The following TBC1D32 variants were observed in gnomAD, a reference collection of about 807,000 sequenced individuals.
The protein encoded by TBC1D32 is protein broad-minded.
TBC1D32 carries 151 observed loss-of-function variants against 170.3 expected under a neutral mutation model. That is an observed-to-expected ratio of 0.89 (90% confidence interval 0.78 to 1.01). The LOEUF is 1.01. Ranked by LOEUF, TBC1D32 falls within the 50% of genes least tolerant of loss-of-function variation. The pLI is 0.00. For synonymous variants in TBC1D32, 498 were observed against 488.0 expected, an observed-to-expected ratio of 1.02 and a Z score of -0.27; for missense variants, 1,464 against 1,457.1, an observed-to-expected ratio of 1.00 and a Z score of -0.08.
intron 2 of TBC1D32, among the ~76,000 whole-genome samples, chr6:121,320,093 TA>T (rs1345200440): frequency 6.6e-6 from 1 of 151,912 alleles, no homozygotes. Flanking sequence ...AATATCTGCT[TA>T]AAAAATAAAT....
chr6:121,121,097 C>T (rs1403705368), intron 26 of TBC1D32, among the ~76,000 whole-genome samples: 2 of 151,806 alleles, frequency 1.3e-5, no homozygotes, highest in South Asian at 2.1e-4. Flanking sequence ...GAGTTTGACA[C>T]CTAATGTAAC....
rs1195843271 is a variant in TBC1D32 at position 121,279,244 on chromosome 6, G to C, written c.1610C>G (p.Ala537Gly). Reference protein sequence around the residue: ...PIHNLMKGNEASPNCSETALI... With the variant: ...PIHNLMKGNEGSPNCSETALI... The stretch of plus-strand genomic sequence containing the variant: ...AGCTGTCTCAGAGCAATTTGGAGAT[G>C]CCTGTACATTAAAAAGAAAACAAGA... Residue 537 changes from alanine (A) to glycine (G), a missense_variant and splice_region_variant, in exon 15 of 32, where the codon GCA (alanine) becomes GGA (glycine). Transcript: ENST00000398212. 1 of 1,600,668 alleles carries C rather than the reference G, an allele frequency of 6.2e-7. No homozygotes were observed. Among genetic ancestry groups the C allele is most frequent in the South Asian group, 1.1e-5 (1 of 87,814 alleles).
chr6:121,168,965 A>G (rs1335152092), intron 22 of TBC1D32, among the ~76,000 whole-genome samples: 3 of 152,204 alleles, frequency 2.0e-5, no homozygotes, highest in Non-Finnish European at 2.9e-5. Flanking sequence ...AATAGGAAGA[A>G]TCAGTATTGA....
intron 30 of TBC1D32, 132 bp downstream of exon 30, chr6:121,105,891 G>T (rs769352505): frequency 1.3e-5 from 14 of 1,058,824 alleles, no homozygotes; most frequent in Admixed American, 1.3e-4. Context: ...GGCCTGGGGA[G>T]AAAAGCTAGC....
At chr6:121,122,664 TTTCCTCATTTATCATTACACCTTTTAAC>T (rs1450608696) in intron 26 of TBC1D32, among the ~76,000 whole-genome samples, 1 of 152,140 alleles carries the variant, frequency 6.6e-6, no homozygotes, top group Non-Finnish European at 1.5e-5. Flanking sequence ...CTGTTGTGTA[TTTCCTCATTTATCATTACACCTTTTAAC>T]TTACTGAATA....
intron 22 of TBC1D32, among the ~76,000 whole-genome samples, chr6:121,168,712 T>TAATAAAA (rs748287642): frequency 3.2e-5 from 3 of 93,896 alleles, no homozygotes; most frequent in Admixed American, 2.4e-4. Context: ...TAGAGTATAA[T>TAATAAAA]AAAAAAAAAA....
In TBC1D32 at chr6:121,239,187, C is replaced by A. The variant is rs1326204456; in HGVS notation, c.2247G>T (p.Gly749=). 1.2e-5 allele frequency: 18 copies of A among 1,530,332 alleles called. No individual in the cohort carries two copies. The highest frequency in any genetic ancestry group is 1.5e-5 in the Non-Finnish European group (17 of 1,111,024). The allele number at this position is 1,530,332 out of a possible 1,614,324, so 94.8% of individuals were successfully genotyped here. ...AAGGIALKKS[G]FINELITELW... is the part of the protein sequence containing the mutation. ...ATTCAGTTATAAGTTCATTAATAAA[C>A]CCTAAAAAGAATTATTACTTCAAGT... The change falls in exon 20 of 32, where the codon GGG becomes GGT. Residue 749 remains glycine (G), a splice_region_variant and synonymous_variant. Coordinates refer to ENST00000398212, the MANE Select transcript of TBC1D32 (RefSeq NM_152730.6).
intron 17 of TBC1D32, among the ~76,000 whole-genome samples, chr6:121,253,732 A>G (rs1415585448): frequency 2.0e-5 from 3 of 152,004 alleles, no homozygotes; most frequent in Non-Finnish European, 4.4e-5. Context: ...AAAAAAAGTC[A>G]AAAAAACAAT....
intron 17 of TBC1D32, among the ~76,000 whole-genome samples, chr6:121,247,710 A>AAAAAAAAAAAG: frequency 6.7e-6 from 1 of 149,726 alleles, no homozygotes; most frequent in African/African-American, 2.4e-5. Context: ...AAAAAAAAAA[A>AAAAAAAAAAAG]AAAAAAAAGA....
At chr6:121,157,933 GT>G (rs1387346151) in intron 24 of TBC1D32, among the ~76,000 whole-genome samples, 2 of 152,040 alleles carry the variant, frequency 1.3e-5, no homozygotes, top group African/African-American at 4.8e-5. Flanking sequence ...CTGCCTTTAA[GT>G]TTTTTCTTTT....
At chr6:121,248,661 G>C (rs1430466474) in intron 17 of TBC1D32, among the ~76,000 whole-genome samples, 1 of 151,370 alleles carries the variant, frequency 6.6e-6, no homozygotes, top group East Asian at 1.9e-4. Context: ...GATCATTCAA[G>C]GCTACTATGA....
intron 20 of TBC1D32, among the ~76,000 whole-genome samples, chr6:121,227,277 G>T (rs1795193205): frequency 6.6e-6 from 1 of 152,090 alleles, no homozygotes; most frequent in Admixed American, 6.6e-5. Flanking sequence ...GAGTGAGAGG[G>T]ATGTTACTTG....
chr6:121,156,158 T>A (rs1426581929), intron 24 of TBC1D32, among the ~76,000 whole-genome samples: 8 of 151,848 alleles, frequency 5.3e-5, no homozygotes, highest in Non-Finnish European at 8.8e-5. Context: ...TTTTTTTGGT[T>A]GTTAGGCTTT....
Position 121,310,881 on chromosome 6 carries a change from A to G in TBC1D32, c.496-34T>C, listed in dbSNP as rs1327494849. 15 of 1,224,244 alleles carry G rather than the reference A, an allele frequency of 1.2e-5. No homozygotes were observed. The East Asian group carries it at 2.3e-4, about 19-fold the overall frequency. 75.8% of individuals were successfully genotyped at this position (1,224,244 alleles called of 1,614,324 possible). A position where few individuals can be genotyped will look rare whatever the true frequency, so the allele number is the denominator to read the frequency against. On this transcript the variant is annotated intron_variant, in intron 3 of 31. Coordinates refer to ENST00000398212, the MANE Select transcript of TBC1D32 (RefSeq NM_152730.6). The stretch of plus-strand genomic sequence containing the variant: ...CAATTGTCAGGACATTCATTTATTT[A>G]GAAGGCTTTTAGAACTATTGCTATA...
rs557347324 is a variant in TBC1D32, at chr6:121,097,407, G to T, written c.3466-6366C>A. Among the ~76,000 whole-genome samples, 17 of 152,190 alleles carry T rather than the reference G, an allele frequency of 1.1e-4. No individual in the cohort carries two copies. The East Asian group carries it at 2.5e-3, about 22-fold the overall frequency. ...GGATATGAACAGACACTTCTCAAAA[G>T]AAGACATTTATGCAGCCAACAAACA... On this transcript the variant is annotated intron_variant, in intron 30 of 31. Transcript: ENST00000398212.
Position 121,269,530 on chromosome 6 carries a change from G to A in TBC1D32, c.1733+9591C>T, listed in dbSNP as rs150766534. Among the ~76,000 whole-genome samples, 690 of 152,194 alleles carry A rather than the reference G, an allele frequency of 4.5e-3. 4 individuals are homozygous for A. The highest frequency in any genetic ancestry group is 0.016 in the African/African-American group (667 of 41,504). On this transcript the variant is annotated intron_variant, in intron 15 of 31. Coordinates refer to ENST00000398212, the MANE Select transcript of TBC1D32 (RefSeq NM_152730.6). ...GAGACAAAGAAGGACATTACATAATGGTAAAGGGATCAATTCAACAGGAAG... is the reference window on the plus strand; with the variant it reads ...GAGACAAAGAAGGACATTACATAATAGTAAAGGGATCAATTCAACAGGAAG...
At chr6:121,089,358 A>G (rs1776573707) in intron 31 of TBC1D32, among the ~76,000 whole-genome samples, 1 of 152,136 alleles carries the variant, frequency 6.6e-6, no homozygotes, top group African/African-American at 2.4e-5. Flanking sequence ...AAAGTAGGAT[A>G]AGATGTTAGA....
chr6:121,286,963 G>A (rs549143704), intron 12 of TBC1D32, among the ~76,000 whole-genome samples: 1 of 152,170 alleles, frequency 6.6e-6, no homozygotes, highest in Admixed American at 6.5e-5. Flanking sequence ...GAGAGATTTT[G>A]TCACCACCAG....
intron 1 of TBC1D32, among the ~76,000 whole-genome samples, chr6:121,322,890 A>C (rs941577544): frequency 6.6e-6 from 1 of 152,114 alleles, no homozygotes; most frequent in African/African-American, 2.4e-5. Context: ...TTGTTCATGT[A>C]ATGTCTATTA....
Sources: gnomAD v4.1 joint callset for allele counts (sites outside exome capture counted in the v4.1 genomes callset) on GRCh38, gnomAD v4.1.1 for gene constraint, MANE v1.5 for transcripts, NCBI Gene and HGNC (gene_info 2026-07-23, HGNC 2026-07-21) for gene names.